The following MAP2K5 variants were observed in gnomAD, a reference collection of about 807,000 sequenced individuals.
The protein encoded by MAP2K5 is mitogen-activated protein kinase kinase 5.
In MAP2K5, 49 loss-of-function variants were observed where a neutral mutation model predicts 83.1. That is an observed-to-expected ratio of 0.59 (90% CI 0.47 to 0.75). The LOEUF (loss-of-function observed/expected upper bound fraction) is 0.75, where lower values mean the gene tolerates loss of function less well. MAP2K5 is among the 30% of genes least tolerant of loss of function. MAP2K5 has a pLI of 0.00. For missense variants in MAP2K5, 457 were observed against 557.5 expected (o/e 0.82, Z 1.82); for synonymous variants, 202 against 191.8 (o/e 1.05, Z -0.44).
rs920743540 is a variant in MAP2K5, at chr15:67,750,656, A to G, written c.1134+2055A>G. ...ACTAGTTTCTCGGGTAACTCTCTGCACATTATAAGTTTGAAAACCACTTCT... is the reference window on the plus strand; with the variant it reads ...ACTAGTTTCTCGGGTAACTCTCTGCGCATTATAAGTTTGAAAACCACTTCT... On this transcript the variant is annotated intron_variant, in intron 19 of 21. Transcript: ENST00000178640. The surrounding 1 kb of genome is among the most constrained non-coding windows in gnomAD (Gnocchi z 4.2). 2.0e-5 allele frequency among the ~76,000 whole-genome samples: 3 copies of G among 152,230 alleles called. No individual in the cohort carries two copies. The highest frequency in any genetic ancestry group is 7.2e-5 in the African/African-American group (3 of 41,454).
intron 1 of MAP2K5, among the ~76,000 whole-genome samples, chr15:67,549,740 C>T (rs1837455572): frequency 6.6e-6 from 1 of 152,088 alleles, no homozygotes; most frequent in African/African-American, 2.4e-5. Flanking sequence ...ATAGAAGAAA[C>T]CAAGTTTTTG....
chr15:67,686,816 A>G (rs1260238199), intron 13 of MAP2K5, among the ~76,000 whole-genome samples: 2 of 152,152 alleles, frequency 1.3e-5, no homozygotes, highest in Non-Finnish European at 2.9e-5. Flanking sequence ...TGAGCTTAAA[A>G]ACTTTAAAGT....
At chr15:67,624,110 A>C (rs7166790) in intron 8 of MAP2K5, among the ~76,000 whole-genome samples, 88,519 of 150,182 alleles carry the variant, frequency 0.59, 26,906 homozygotes, top group East Asian at 0.92. Flanking sequence ...GAGGCCAAGG[A>C]GGGCTGATCA....
intron 12 of MAP2K5, among the ~76,000 whole-genome samples, chr15:67,661,492 A>G (rs771289945): frequency 3.9e-5 from 6 of 152,152 alleles, no homozygotes; most frequent in Non-Finnish European, 5.9e-5. Flanking sequence ...CTGAATACCA[A>G]TAATATCCTT....
Position 67,582,059 on chromosome 15 carries a change from CT to C in MAP2K5, c.322+1256del, listed in dbSNP as rs944586636. ...CCAATGATTAGGATGTAGATGATTT[CT>C]TTTTTTTTTTTTTTTTTTTCGAGAC... On this transcript the variant is annotated intron_variant, in intron 4 of 21. Coordinates refer to ENST00000178640, the MANE Select transcript of MAP2K5 (RefSeq NM_145160.3). 6.7e-3 allele frequency among the ~76,000 whole-genome samples: 820 copies of C among 122,724 alleles called. 5 individuals carry two copies. The highest frequency in any genetic ancestry group is 0.015 in the African/African-American group (502 of 33,676). 80.5% of individuals were successfully genotyped at this position (122,724 alleles called of 152,430 possible). A position where few individuals can be genotyped will look rare whatever the true frequency, so the allele number is the denominator to read the frequency against.
At position 67,543,441 on chromosome 15, in the gene MAP2K5, G is replaced by C; in HGVS notation, c.106G>C (p.Gly36Arg). The change falls in exon 1 of 22, where the codon GGG becomes CGG. Residue 36 changes from glycine (G) to arginine (R), a missense_variant. By Grantham distance (125) the Gly-to-Arg change is moderately radical. Around this residue, in one of 3 missense-constraint regions of MAP2K5, gnomAD observed 234 missense variants for 243.6 expected, o/e 0.96. Transcript: ENST00000178640. The surrounding 1 kb of genome is among the most constrained non-coding windows in gnomAD (Gnocchi z 4.3). Reference protein sequence around the residue: ...SGAVDWTVHSGPQLLFRDVLD... With the variant: ...SGAVDWTVHSRPQLLFRDVLD... ...CGCGGTGGACTGGACAGTGCACTCC[G>C]GGCCGCAGTTACTCTTCAGGGATGT... is the stretch of plus-strand genomic sequence containing the variant. 6.2e-7 allele frequency: 1 copy of C among 1,614,134 alleles called. No homozygotes were observed. Among genetic ancestry groups the C allele is most frequent in the Non-Finnish European group, 8.5e-7 (1 of 1,180,032 alleles).
chr15:67,600,297 T>A (rs2085626086), intron 7 of MAP2K5, among the ~76,000 whole-genome samples: 2 of 152,042 alleles, frequency 1.3e-5, no homozygotes, highest in African/African-American at 4.8e-5. Flanking sequence ...GATTACTGAG[T>A]GTGTGTGTGT....
Position 67,806,713 on chromosome 15 carries a change from C to A in MAP2K5, c.1310C>A (p.Ala437Glu). Residue 437 changes from alanine to glutamate, a missense_variant, in exon 22 of 22, where the codon GCG becomes GAG. Ala to Glu is a moderately radical substitution (Grantham distance 107). Transcript: ENST00000178640. ...GTGGTGTCCATGTGGGTGTGCCGGG[C>A]GCTGGAGGAGAGGCGGAGCCAGCAG... ...AAVVSMWVCRALEERRSQQGP... is the reference protein window; with the variant it reads ...AAVVSMWVCRELEERRSQQGP... 6.4e-7 allele frequency: 1 copy of A among 1,552,176 alleles called. No homozygotes were observed. The highest frequency in any genetic ancestry group is 1.2e-5 in the South Asian group (1 of 84,214).
chr15:67,592,202 A>G (rs542976724), intron 6 of MAP2K5, among the ~76,000 whole-genome samples: 11 of 151,844 alleles, frequency 7.2e-5, no homozygotes, highest in Admixed American at 3.9e-4. Context: ...ACACTTTAAT[A>G]CTTCCTAAAT....
Position 67,632,849 on chromosome 15 carries a change from C to T in MAP2K5, c.585+1922C>T, listed in dbSNP as rs150007760. ...CTGACTGCTAATGAAATCCAGAGTT[C>T]TTCTTCCATATCACATCTAGTACAG... On this transcript the variant is annotated intron_variant, in intron 9 of 21. Coordinates refer to ENST00000178640, the MANE Select transcript of MAP2K5 (RefSeq NM_145160.3). 1.9e-4 allele frequency among the ~76,000 whole-genome samples: 29 copies of T among 152,324 alleles called. No homozygotes were observed. The East Asian group carries it at 4.6e-3, about 24-fold the overall frequency.
intron 11 of MAP2K5, among the ~76,000 whole-genome samples, chr15:67,655,969 A>T (rs918406631): frequency 1.3e-4 from 20 of 152,030 alleles, no homozygotes; most frequent in Admixed American, 5.2e-4. Flanking sequence ...ACCTCCCTTG[A>T]TTCTTTCTTC....
chr15:67,582,679 G>A (rs757819392), intron 4 of MAP2K5, among the ~76,000 whole-genome samples: 5 of 151,958 alleles, frequency 3.3e-5, no homozygotes, highest in African/African-American at 7.3e-5. Context: ...AAAATTAGCC[G>A]GGCGTGGTGC....
At position 67,646,239 on chromosome 15, in the gene MAP2K5, A is replaced by G; in HGVS notation, c.594A>G (p.Leu198=). ...TACCTTTCTATATTTAGGTCATACT[A>G]CTAGATATTACACTGGAACTTCAGA... is the stretch of plus-strand genomic sequence containing the variant. The part of the protein sequence containing the change: ...SGKILAVKVI[L]LDITLELQKQ... The change falls in exon 10 of 22, where the codon CTA becomes CTG. Residue 198 remains leucine (L), a synonymous_variant. Transcript: ENST00000178640. The G allele has an allele frequency of 7.5e-7, 1 of 1,326,762 alleles. No homozygotes were observed. The highest frequency in any genetic ancestry group is 1.1e-6 in the Non-Finnish European group (1 of 939,540). 82.2% of individuals were successfully genotyped at this position (1,326,762 alleles called of 1,614,324 possible).
In MAP2K5 at chr15:67,632,008, C is replaced by T. The variant is rs570108975; in HGVS notation, c.585+1081C>T. Among the ~76,000 whole-genome samples, 19 of 152,226 alleles carry T rather than the reference C, an allele frequency of 1.2e-4. No homozygotes were observed. In the South Asian group the frequency reaches 3.9e-3, roughly 32 times the overall value. ...TCTGCTTTACCAATCTGTTACTTCCCGTCATGCCCTTTATCTCCAGTCTCC... is the reference window on the plus strand; with the variant it reads ...TCTGCTTTACCAATCTGTTACTTCCTGTCATGCCCTTTATCTCCAGTCTCC... On this transcript the variant is annotated intron_variant, in intron 9 of 21. Coordinates refer to ENST00000178640, the MANE Select transcript of MAP2K5 (RefSeq NM_145160.3).
intron 16 of MAP2K5, among the ~76,000 whole-genome samples, chr15:67,707,098 G>A (rs2088573053): frequency 1.3e-5 from 2 of 152,142 alleles, no homozygotes; most frequent in Admixed American, 6.5e-5. Flanking sequence ...TGTATTTTTA[G>A]TAGAGACAGG....
intron 8 of MAP2K5, among the ~76,000 whole-genome samples, chr15:67,627,109 AG>A (rs1025777782): frequency 6.6e-6 from 1 of 151,928 alleles, no homozygotes; most frequent in African/African-American, 2.4e-5. Flanking sequence ...CCACGATGCC[AG>A]GTAATTATTT....
In MAP2K5 at chr15:67,769,401, A is replaced by G. The variant is rs1029365953; in HGVS notation, c.1135-201A>G. On this transcript the variant is annotated intron_variant, in intron 19 of 21. Coordinates refer to ENST00000178640, the MANE Select transcript of MAP2K5 (RefSeq NM_145160.3). This position sits in a 1 kb window ranked among gnomAD's most constrained non-coding sequence, Gnocchi z 5.2. The stretch of plus-strand genomic sequence containing the variant: ...TCTCTCAGCTCTCATGTTTCTCACC[A>G]TTGTAAAATATGTGTGGCTTTAAAT... Among the ~76,000 whole-genome samples, 1 of 152,124 alleles carries G rather than the reference A, an allele frequency of 6.6e-6. No homozygotes were observed. Among genetic ancestry groups the G allele is most frequent in the Admixed American group, 6.5e-5 (1 of 15,270 alleles).
At position 67,775,711 on chromosome 15, in the gene MAP2K5, G is replaced by C. The variant is rs1335350210; in HGVS notation, c.1242+2959G>C. Among the ~76,000 whole-genome samples the C allele has an allele frequency of 2.6e-5, 4 of 152,176 alleles. No homozygotes were observed. The highest frequency in any genetic ancestry group is 5.9e-5 in the Non-Finnish European group (4 of 68,028). Reference sequence around the variant, plus strand: ...AAATGAGGAAAAACTGGGTAGAGAAGGTAGCATTTGAAAAGGGCCTTTGGA... The same window carrying C: ...AAATGAGGAAAAACTGGGTAGAGAACGTAGCATTTGAAAAGGGCCTTTGGA... On this transcript the variant is annotated intron_variant, in intron 21 of 21. Transcript: ENST00000178640. This position sits in a 1 kb window ranked among gnomAD's most constrained non-coding sequence, Gnocchi z 5.3.
In MAP2K5 at chr15:67,646,420, A is replaced by G; in HGVS notation, c.687A>G (p.Gly229=). Residue 229 remains glycine, a synonymous_variant, in exon 11 of 22, where the codon GGA becomes GGG. Coordinates refer to ENST00000178640, the MANE Select transcript of MAP2K5 (RefSeq NM_145160.3). ...CDSSYIIGFY[G]AFFVENRISI... Reference sequence around the variant, plus strand: ...CATCATATATCATTGGATTTTATGGAGCATTTTTTGTAGAAAACAGGATTT... The same window carrying G: ...CATCATATATCATTGGATTTTATGGGGCATTTTTTGTAGAAAACAGGATTT... 1 of 1,603,050 alleles carries G rather than the reference A, an allele frequency of 6.2e-7. No homozygotes were observed. The highest frequency in any genetic ancestry group is 8.5e-7 in the Non-Finnish European group (1 of 1,171,894).
Sources: gnomAD v4.1 joint callset for allele counts (sites outside exome capture counted in the v4.1 genomes callset) on GRCh38, gnomAD v4.1.1 for gene constraint, gnomAD v4.1.1 regional missense constraint, Gnocchi (gnomAD v3.1) non-coding constraint, MANE v1.5 for transcripts, NCBI Gene and HGNC (gene_info 2026-07-23, HGNC 2026-07-21) for gene names.